The following TOP3B variants were observed in gnomAD, a reference collection of about 807,000 sequenced individuals.
TOP3B encodes DNA topoisomerase III beta, also known as DNA topoisomerase 3-beta-1.
TOP3B carries 45 observed loss-of-function variants against 93.9 expected under a neutral mutation model. The ratio of observed to expected loss-of-function variants is 0.48; its 90% CI spans 0.38 to 0.61. The LOEUF is 0.61. Ranked by LOEUF, TOP3B falls within the 20% of genes least tolerant of loss-of-function variation. TOP3B has a pLI of 0.00. For missense variants in TOP3B, 750 were observed against 1,156.1 expected (o/e 0.65, Z 5.09); for synonymous variants, 357 against 472.6 (o/e 0.76, Z 3.17).
intron 2 of TOP3B, chr22:21,975,143 G>A (rs1485870062): frequency 6.5e-6 from 1 of 153,578 alleles, no homozygotes; most frequent in Non-Finnish European, 1.4e-5. Context: ...CCAGTGGCCA[G>A]AGTTGGGGGT....
In TOP3B at chr22:21,962,487, G is replaced by A. The variant is rs1480238354; in HGVS notation, c.1467C>T (p.Asn489=). ...CGGCCTCCGTCAGGTAGTCGGGTGG[G>A]TTCGTCTGCTTCTCCAGCATCTTCA... The part of the protein sequence containing the change: ...GEVKMLEKQT[N]PPDYLTEAEL... The change falls in exon 13 of 18, where the codon AAC becomes AAT. Residue 489 remains asparagine (N), a synonymous_variant. Transcript: ENST00000357179. The A allele has an allele frequency of 1.2e-6, 2 of 1,613,758 alleles. No individual in the cohort carries two copies. The highest frequency in any genetic ancestry group is 2.2e-5 in the South Asian group (2 of 91,082).
chr22:21,960,448 G>GC lies in TOP3B; in HGVS notation c.1526dup (p.Thr510HisfsTer41). On this transcript the variant is annotated frameshift_variant and splice_region_variant, in exon 14 of 18. Coordinates refer to ENST00000357179, the MANE Select transcript of TOP3B (RefSeq NM_001282112.2). LOFTEE classifies it high-confidence loss of function. ...TATGCACAGGGATGCTGGCATCCGT[G>GC]CCTGCAATGTACAAGGCCCCAGGGT... 1 of 1,613,336 alleles carries GC rather than the reference G, an allele frequency of 6.2e-7. No individual in the cohort carries two copies. Among genetic ancestry groups the GC allele is most frequent in the South Asian group, 1.1e-5 (1 of 91,074 alleles).
At position 21,958,421 on chromosome 22, in the gene TOP3B, G is replaced by A. The variant is rs778683708; in HGVS notation, c.2107+71C>T. 11 of 1,608,290 alleles carry A rather than the reference G, an allele frequency of 6.8e-6. No homozygotes were observed. In the South Asian group the frequency reaches 1.1e-4, roughly 16 times the overall value. On this transcript the variant is annotated intron_variant, in intron 17 of 17. Transcript: ENST00000357179. ...AGGGGTCCCCTCAGAGTCCAGCCTGGTGCAAGGCAGGGGTTGGCACTGAAA... is the reference window on the plus strand; with the variant it reads ...AGGGGTCCCCTCAGAGTCCAGCCTGATGCAAGGCAGGGGTTGGCACTGAAA...
Position 21,971,140 on chromosome 22 carries a change from AG to A in TOP3B, c.385-735del. ...GGCCCCCAGGGAGGAGCCGCCCTGC[AG>A]GGGAGGAGAGGGTATCTGGGAAGAG... On this transcript the variant is annotated intron_variant, in intron 5 of 17. Coordinates refer to ENST00000357179, the MANE Select transcript of TOP3B (RefSeq NM_001282112.2). This position sits in a 1 kb window ranked among gnomAD's most constrained non-coding sequence, Gnocchi z 4.6. The A allele has an allele frequency of 1.1e-6, 1 of 903,220 alleles. No homozygotes were observed. The allele number at this position is 903,220 out of a possible 1,614,324, so 56.0% of individuals were successfully genotyped here.
chr22:21,965,264 G>A (rs758764913), intron 9 of TOP3B, 21 bp downstream of exon 9: 1 of 1,557,700 alleles, frequency 6.4e-7, no homozygotes, highest in South Asian at 1.2e-5. Flanking sequence ...CTGGTGACTT[G>A]AGAGAAATGT....
In TOP3B at chr22:21,963,950, T is replaced by A; in HGVS notation, c.1177A>T (p.Met393Leu). 1 of 1,613,460 alleles carries A rather than the reference T, an allele frequency of 6.2e-7. No homozygotes were observed. Among genetic ancestry groups the A allele is most frequent in the Non-Finnish European group, 8.5e-7 (1 of 1,179,876 alleles). Residue 393 changes from methionine (M) to leucine (L), a missense_variant, in exon 11 of 18, where the codon ATG (methionine) becomes TTG (leucine). Transcript: ENST00000357179. The surrounding 1 kb of genome is among the most constrained non-coding windows in gnomAD (Gnocchi z 4.8). ...AATTCGGCCTCTGTGGCAGACTTCATGGGGGTGATGGGGGGATGGTCGCCG... is the reference window on the plus strand; with the variant it reads ...AATTCGGCCTCTGTGGCAGACTTCAAGGGGGTGATGGGGGGATGGTCGCCG... Reference protein sequence around the residue: ...DAGDHPPITPMKSATEAELGG... With the variant: ...DAGDHPPITPLKSATEAELGG...
intron 13 of TOP3B, chr22:21,961,177 G>T (rs1440612014): frequency 6.6e-6 from 1 of 152,346 alleles, no homozygotes; most frequent in Non-Finnish European, 1.5e-5. Flanking sequence ...GCCTCTGGGG[G>T]CTAAGGAGCC....
chr22:21,967,692 G>A lies in TOP3B; in HGVS notation c.763C>T (p.Leu255Phe), dbSNP rs756393355. ...AKVNTDKDRS[L>F]LLDWDRVRVF... ...CTTACTCGGTCCCAGTCCAAAAGGA[G>A]AGATCTGTCTTTGTCAGTGTTAACC... is the stretch of plus-strand genomic sequence containing the variant. Residue 255 changes from leucine to phenylalanine, a missense_variant, in exon 8 of 18, where the codon CTC (leucine) becomes TTC (phenylalanine). Around this residue, in one of 4 missense-constraint regions of TOP3B, gnomAD observed 737 missense variants for 933.7 expected, o/e 0.79. Transcript: ENST00000357179. 6.2e-7 allele frequency: 1 copy of A among 1,614,092 alleles called. No individual in the cohort carries two copies. The highest frequency in any genetic ancestry group is 8.5e-7 in the Non-Finnish European group (1 of 1,179,974).
At position 21,971,299 on chromosome 22, in the gene TOP3B, C is replaced by A; in HGVS notation, c.384+578G>T. On this transcript the variant is annotated intron_variant, in intron 5 of 17. Transcript: ENST00000357179. The surrounding 1 kb of genome is among the most constrained non-coding windows in gnomAD (Gnocchi z 4.6). The stretch of plus-strand genomic sequence containing the variant: ...AGCACGGGGGCGACCCATAGAACAA[C>A]AGTCTGAAGGGCACCAAGTGAGACC... 1 of 293,934 alleles carries A rather than the reference C, an allele frequency of 3.4e-6. No homozygotes were observed. The allele number at this position is 293,934 out of a possible 1,614,324, so 18.2% of individuals were successfully genotyped here. A position where few individuals can be genotyped will look rare whatever the true frequency, so the allele number is the denominator to read the frequency against.
chr22:21,979,941 C>CA (rs57880095), intron 1 of TOP3B, among the ~76,000 whole-genome samples: 7,249 of 49,484 alleles, frequency 0.15, 141 homozygotes, highest in East Asian at 0.24. Flanking sequence ...ACTCCATCTC[C>CA]AAAAAAAAAA....
intron 1 of TOP3B, 25 bp downstream of exon 1, chr22:21,982,705 G>T (rs977237254): frequency 1.3e-5 from 2 of 152,226 alleles, no homozygotes; most frequent in African/African-American, 4.8e-5. Context: ...GCCGCCGGGC[G>T]AGGGTCCCGC....
In TOP3B at chr22:21,959,375, C is replaced by T. The variant is rs1335824914; in HGVS notation, c.1805-143G>A. 10 of 1,490,124 alleles carry T rather than the reference C, an allele frequency of 6.7e-6. No individual in the cohort carries two copies. In the Admixed American group the frequency reaches 2.3e-4, roughly 34 times the overall value. 92.3% of individuals were successfully genotyped at this position (1,490,124 alleles called of 1,614,324 possible). On this transcript the variant is annotated intron_variant, in intron 15 of 17. Coordinates refer to ENST00000357179, the MANE Select transcript of TOP3B (RefSeq NM_001282112.2). Reference sequence around the variant, plus strand: ...CCTGGCAGCACGGCAGGGCAGCAGCCCTGTGCGTCAGAGGCACGTGTTCCT... The same window carrying T: ...CCTGGCAGCACGGCAGGGCAGCAGCTCTGTGCGTCAGAGGCACGTGTTCCT...
intron 8 of TOP3B, 34 bp from the exon 9 acceptor site, chr22:21,965,409 G>A: frequency 6.9e-7 from 1 of 1,454,600 alleles, no homozygotes; most frequent in Non-Finnish European, 9.5e-7. Context: ...TTTGGGGAAG[G>A]AGGAAGACAC....
intron 3 of TOP3B, 181 bp from the exon 4 acceptor site, chr22:21,972,899 C>T (rs1031139002): frequency 1.7e-6 from 1 of 598,006 alleles, no homozygotes; most frequent in East Asian, 3.1e-5. Context: ...CTTTGGTAAC[C>T]CCCTCCCATC....
chr22:21,959,776 G>C, intron 14 of TOP3B, 40 bp from the exon 15 acceptor site: 1 of 1,593,020 alleles, frequency 6.3e-7, no homozygotes, highest in Non-Finnish European at 8.6e-7. Flanking sequence ...CTGAGCACTC[G>C]CACCCAGGGC....
chr22:21,965,603 ACG>A, intron 8 of TOP3B: 1 of 304,524 alleles, frequency 3.3e-6, no homozygotes, highest in Non-Finnish European at 6.1e-6. Context: ...GTGGTGGCTC[ACG>A]CCTGTAATCC....
chr22:21,961,684 C>T (rs1309435981), intron 13 of TOP3B: 1 of 153,924 alleles, frequency 6.5e-6, no homozygotes, highest in Non-Finnish European at 1.4e-5. Context: ...ACCTATATGA[C>T]CACTGCTGGA....
At chr22:21,975,870 G>T in intron 1 of TOP3B, 63 bp from the exon 2 acceptor site, 1 of 1,105,504 alleles carries the variant, frequency 9.0e-7, no homozygotes. Context: ...CCACTACAAG[G>T]AAAATCACTT....
At chr22:21,982,491 C>T (rs1288141148) in intron 1 of TOP3B, 1 of 152,330 alleles carries the variant, frequency 6.6e-6, no homozygotes, top group East Asian at 1.9e-4. Context: ...ACCACAGCGC[C>T]TGCTCCCTGC....
Sources: allele counts gnomAD v4.1 joint callset (sites outside exome capture counted in the v4.1 genomes callset), GRCh38; gene constraint gnomAD v4.1.1; regional missense constraint gnomAD v4.1.1; non-coding constraint Gnocchi (gnomAD v3.1); transcripts MANE v1.5; gene names NCBI Gene and HGNC (gene_info 2026-07-23, HGNC 2026-07-21).